Variants in COPG2 observed in about 807,000 individuals in gnomAD.
The protein encoded by COPG2 is coatomer subunit gamma-2.
In COPG2, 37 loss-of-function variants were observed where a neutral mutation model predicts 46.3. The observed-to-expected ratio is 0.80, with a 90% CI of 0.61 to 1.05. The LOEUF is 1.05. Ranked by LOEUF, COPG2 falls within the 50% of genes least tolerant of loss-of-function variation. The probability of loss-of-function intolerance (pLI) is 0.00; values close to 1 mark genes in which losing one functional copy is unlikely to be tolerated. For synonymous variants in COPG2, 159 were observed against 129.7 expected (o/e 1.23, Z -1.53); for missense variants, 427 against 387.8 (o/e 1.10, Z -0.85).
chr7:130,555,731 G>C (rs1275392325), intron 12 of COPG2, among the ~76,000 whole-genome samples: 1 of 152,174 alleles, frequency 6.6e-6, no homozygotes, highest in Non-Finnish European at 1.5e-5. Flanking sequence ...CGGAGAGCCT[G>C]AGACATGAGA....
chr7:130,640,158 CTTTTTTTTTTTTT>C, intron 5 of COPG2, among the ~76,000 whole-genome samples: 1 of 96,456 alleles, frequency 1.0e-5, no homozygotes, highest in African/African-American at 3.6e-5. Context: ...CACCACCAAC[CTTTTTTTTTTTTT>C]TTTTTTTTTT....
rs1796146613 is a variant in COPG2, at chr7:130,668,490, A to C, written c.37+142T>G. ...GCAGGCCCCGGGCAGCCGCGAGGGG[A>C]GGGGAGGGGCCGGCTCCAGCTCCGG... is the stretch of plus-strand genomic sequence containing the variant. On this transcript the variant is annotated intron_variant, in intron 1 of 23. Transcript: ENST00000425248. The C allele has an allele frequency of 1.0e-5, 6 of 576,206 alleles. No individual in the cohort carries two copies. The East Asian group carries it at 2.0e-4, about 20-fold the overall frequency. The allele number at this position is 576,206 out of a possible 1,614,324, so 35.7% of individuals were successfully genotyped here.
At chr7:130,608,940 G>T (rs1420173858) in intron 9 of COPG2, among the ~76,000 whole-genome samples, 6 of 151,900 alleles carry the variant, frequency 3.9e-5, no homozygotes, top group African/African-American at 1.5e-4. Context: ...GTCATCTCAG[G>T]TCACTGTAAC....
At chr7:130,522,524 T>A (rs1268193489) in intron 20 of COPG2, among the ~76,000 whole-genome samples, 1 of 152,142 alleles carries the variant, frequency 6.6e-6, no homozygotes, top group Non-Finnish European at 1.5e-5. Context: ...TTTCATGTAC[T>A]GAAGGGTCAA....
chr7:130,536,385 C>T (rs1250661539), intron 20 of COPG2, among the ~76,000 whole-genome samples: 2 of 152,064 alleles, frequency 1.3e-5, no homozygotes, highest in Admixed American at 1.3e-4. Context: ...GGGTGGGTTT[C>T]ACCCGAGGGA....
At chr7:130,573,507 T>A (rs1793946792) in intron 9 of COPG2, among the ~76,000 whole-genome samples, 1 of 152,010 alleles carries the variant, frequency 6.6e-6, no homozygotes, top group Non-Finnish European at 1.5e-5. Flanking sequence ...TAAGTGGCAT[T>A]AATCACAGGA....
chr7:130,521,602 C>T (rs1233427320), intron 20 of COPG2, among the ~76,000 whole-genome samples: 4 of 152,036 alleles, frequency 2.6e-5, no homozygotes, highest in Admixed American at 2.0e-4. Context: ...AAAAGTCATG[C>T]GAGGATGACA....
intron 6 of COPG2, among the ~76,000 whole-genome samples, chr7:130,615,755 C>T (rs1460951457): frequency 6.6e-6 from 1 of 152,088 alleles, no homozygotes; most frequent in Non-Finnish European, 1.5e-5. Flanking sequence ...TGTTTGGTGG[C>T]CAAGAGTGTA....
intron 5 of COPG2, among the ~76,000 whole-genome samples, chr7:130,629,972 C>CA (rs1795197574): frequency 6.6e-6 from 1 of 150,944 alleles, no homozygotes. Flanking sequence ...GGCTGTAGTG[C>CA]AATGGCGCAA....
At chr7:130,583,268 A>G (rs1274815805) in intron 9 of COPG2, among the ~76,000 whole-genome samples, 3 of 144,558 alleles carry the variant, frequency 2.1e-5, no homozygotes, top group African/African-American at 7.7e-5. Context: ...AACACCGCAG[A>G]TTCTCACTCA....
intron 9 of COPG2, among the ~76,000 whole-genome samples, chr7:130,589,520 T>G (rs1236333917): frequency 4.6e-5 from 7 of 152,150 alleles, no homozygotes; most frequent in African/African-American, 1.7e-4. Flanking sequence ...CCTGGCCTCA[T>G]GCAATCCTTC....
intron 20 of COPG2, among the ~76,000 whole-genome samples, chr7:130,535,335 G>C (rs1249755949): frequency 2.6e-5 from 4 of 152,050 alleles, no homozygotes; most frequent in African/African-American, 9.7e-5. Context: ...AGACAGACAG[G>C]GTGGAGGGGC....
intron 9 of COPG2, among the ~76,000 whole-genome samples, chr7:130,573,637 A>G (rs949449165): frequency 6.6e-6 from 1 of 152,164 alleles, no homozygotes; most frequent in Non-Finnish European, 1.5e-5. Context: ...AATCTAACAC[A>G]CATTAATAAT....
At chr7:130,632,896 C>T (rs1455837397) in intron 5 of COPG2, among the ~76,000 whole-genome samples, 1 of 152,070 alleles carries the variant, frequency 6.6e-6, no homozygotes, top group African/African-American at 2.4e-5. Context: ...CCTCCTCTAG[C>T]CCCCCACCCC....
At chr7:130,600,271 T>C (rs1794610728) in intron 9 of COPG2, among the ~76,000 whole-genome samples, 1 of 152,208 alleles carries the variant, frequency 6.6e-6, no homozygotes, top group Non-Finnish European at 1.5e-5. Context: ...TTTATTTATT[T>C]ATTTATTTTT....
chr7:130,615,050 G>C (rs573099992), intron 6 of COPG2, among the ~76,000 whole-genome samples: 1 of 152,338 alleles, frequency 6.6e-6, no homozygotes, highest in South Asian at 2.1e-4. Context: ...TCTTGGAATA[G>C]AAGTGAGTTA....
chr7:130,565,145 C>T (rs1793782424), intron 9 of COPG2, among the ~76,000 whole-genome samples: 1 of 152,338 alleles, frequency 6.6e-6, no homozygotes, highest in South Asian at 2.1e-4. Context: ...AAAGACCTGA[C>T]AGAGCTCCGC....
chr7:130,604,345 T>A (rs1488025310), intron 9 of COPG2, among the ~76,000 whole-genome samples: 1 of 152,228 alleles, frequency 6.6e-6, no homozygotes, highest in Non-Finnish European at 1.5e-5. Context: ...AAATGTTATA[T>A]GCCTCATTTA....
chr7:130,611,055 G>A lies in COPG2; in HGVS notation c.635C>T (p.Ser212Phe). 2 of 1,613,744 alleles carry A rather than the reference G, an allele frequency of 1.2e-6. No individual in the cohort carries two copies. Among genetic ancestry groups the A allele is most frequent in the Non-Finnish European group, 1.7e-6 (2 of 1,179,790 alleles). Residue 212 changes from serine to phenylalanine, a missense_variant, in exon 9 of 24, where the codon TCC becomes TTC. Ser to Phe is a radical substitution (Grantham distance 155). Transcript: ENST00000425248. ...TTTAGTAAACTTATTCAACATCTTGGAAACAGCAAGTCGATCATTCTTTCT... is the reference window on the plus strand; with the variant it reads ...TTTAGTAAACTTATTCAACATCTTGAAAACAGCAAGTCGATCATTCTTTCT... ...HLRKNDRLAV[S>F]KMLNKFTKSG...
Sources: gnomAD v4.1 joint callset for allele counts (sites outside exome capture counted in the v4.1 genomes callset) on GRCh38, gnomAD v4.1.1 for gene constraint, MANE v1.5 for transcripts, NCBI Gene and HGNC (gene_info 2026-07-23, HGNC 2026-07-21) for gene names.